The following COMMD1 variants were observed in gnomAD, a reference collection of about 807,000 sequenced individuals.
COMMD1 encodes copper metabolism domain containing 1, also known as COMM domain-containing protein 1.
In COMMD1, 10 loss-of-function variants were observed where a neutral mutation model predicts 17.2. The observed-to-expected ratio is 0.58, with a 90% CI of 0.36 to 0.99. The LOEUF (loss-of-function observed/expected upper bound fraction) is 0.99, where lower values mean the gene tolerates loss of function less well. Among genes scored for constraint, COMMD1 ranks in the 50% least tolerant of loss-of-function variants. COMMD1 has a pLI of 0.01. For synonymous variants in COMMD1, 97 were observed against 91.6 expected, an observed-to-expected ratio of 1.06 and a Z score of -0.34; for missense variants, 270 against 231.8, an observed-to-expected ratio of 1.17 and a Z score of -1.07.
At chr2:61,938,156 G>A (rs1163310574) in intron 1 of COMMD1, among the ~76,000 whole-genome samples, 1 of 152,012 alleles carries the variant, frequency 6.6e-6, no homozygotes, top group Non-Finnish European at 1.5e-5. Flanking sequence ...GTCTAAAAAT[G>A]ATAATTTGGC....
intron 2 of COMMD1, among the ~76,000 whole-genome samples, chr2:62,034,181 G>A (rs1008314741): frequency 6.6e-6 from 1 of 151,760 alleles, no homozygotes. Context: ...GTAGGAGACT[G>A]TTTTAGTTTG....
chr2:61,922,828 A>G (rs762808561), intron 1 of COMMD1, among the ~76,000 whole-genome samples: 9 of 152,238 alleles, frequency 5.9e-5, no homozygotes, highest in African/African-American at 9.6e-5. Context: ...GGGGACACAC[A>G]TCTGTTTGGA....
intron 1 of COMMD1, among the ~76,000 whole-genome samples, chr2:61,953,545 A>ACTAAATTCT (rs1671114895): frequency 6.6e-6 from 1 of 151,088 alleles, no homozygotes; most frequent in Admixed American, 6.6e-5. Context: ...TTTCTTTTGT[A>ACTAAATTCT]TTTTAGTAGA....
intron 1 of COMMD1, among the ~76,000 whole-genome samples, chr2:61,984,191 A>AT (rs1286081920): frequency 4.6e-5 from 7 of 152,054 alleles, no homozygotes; most frequent in Non-Finnish European, 8.8e-5. Context: ...CACCCAGCTA[A>AT]TTTTTTGTGT....
chr2:61,904,457 A>G (rs1486962002), upstream of COMMD1, among the ~76,000 whole-genome samples: 1 of 152,218 alleles, frequency 6.6e-6, no homozygotes, highest in Non-Finnish European at 1.5e-5. Context: ...ATTTCAGAAC[A>G]TCATGTTACC....
Position 61,915,758 on chromosome 2 carries a change from A to G in COMMD1, c.180+9900A>G, listed in dbSNP as rs191666356. The G allele has an allele frequency of 9.4e-5, 42 of 448,818 alleles. No homozygotes were observed. The Middle Eastern group carries it at 9.9e-4, about 11-fold the overall frequency. 27.8% of individuals were successfully genotyped at this position (448,818 alleles called of 1,614,324 possible). On this transcript the variant is annotated intron_variant, in intron 1 of 2. Transcript: ENST00000311832. Reference sequence around the variant, plus strand: ...GCAACCCTCTCTCTTTAGCCTCCCAATTGCTGGGATTACAGGTATGAGCCA... The same window carrying G: ...GCAACCCTCTCTCTTTAGCCTCCCAGTTGCTGGGATTACAGGTATGAGCCA...
intron 2 of COMMD1, among the ~76,000 whole-genome samples, chr2:62,017,499 C>A (rs1003491127): frequency 6.6e-6 from 1 of 151,358 alleles, no homozygotes; most frequent in African/African-American, 2.4e-5. Context: ...GAAACCCTAT[C>A]TCTACAAAAA....
chr2:62,075,398 C>A (rs1053078791), intron 2 of COMMD1, among the ~76,000 whole-genome samples: 2 of 152,126 alleles, frequency 1.3e-5, no homozygotes, highest in Non-Finnish European at 1.5e-5. Context: ...ACAGTCGCTA[C>A]CCCCACTTCC....
At chr2:62,087,632 A>C (rs1472440148) in intron 2 of COMMD1, among the ~76,000 whole-genome samples, 1 of 152,228 alleles carries the variant, frequency 6.6e-6, no homozygotes, top group Non-Finnish European at 1.5e-5. Flanking sequence ...CTGTAATCCC[A>C]GCTACCTGGG....
chr2:61,929,506 A>G (rs1388753651), intron 1 of COMMD1, among the ~76,000 whole-genome samples: 1 of 152,148 alleles, frequency 6.6e-6, no homozygotes, highest in East Asian at 1.9e-4. Context: ...TTACCATTAT[A>G]TCATACTCTT....
At chr2:61,979,747 A>ATT (rs200234500) in intron 1 of COMMD1, among the ~76,000 whole-genome samples, 46 of 144,672 alleles carry the variant, frequency 3.2e-4, no homozygotes, top group African/African-American at 1.1e-3. Context: ...GATATAAGTC[A>ATT]TTTTTTTTTT....
intron 1 of COMMD1, among the ~76,000 whole-genome samples, chr2:61,988,662 C>T (rs976542770): frequency 6.6e-6 from 1 of 152,178 alleles, no homozygotes; most frequent in African/African-American, 2.4e-5. Context: ...TTAGCTACCC[C>T]AGCTGGTGAC....
At chr2:62,062,972 A>G (rs1379370274) in intron 2 of COMMD1, among the ~76,000 whole-genome samples, 1 of 151,924 alleles carries the variant, frequency 6.6e-6, no homozygotes, top group Non-Finnish European at 1.5e-5. Context: ...TAATCCTAGC[A>G]CTTTGGGAGG....
intron 1 of COMMD1, among the ~76,000 whole-genome samples, chr2:61,930,987 A>T (rs369318766): frequency 2.6e-5 from 4 of 152,126 alleles, no homozygotes; most frequent in Non-Finnish European, 5.9e-5. Context: ...CAAATATGTA[A>T]TTAACATTCA....
chr2:61,898,028 T>C (rs1669587134), intron 1 of COMMD1, among the ~76,000 whole-genome samples: 1 of 152,198 alleles, frequency 6.6e-6, no homozygotes, highest in South Asian at 2.1e-4. Context: ...ATAGCTACTT[T>C]TAGGTACTAA....
chr2:62,094,046 C>A (rs1213169061), intron 2 of COMMD1, among the ~76,000 whole-genome samples: 1 of 152,194 alleles, frequency 6.6e-6, no homozygotes, highest in East Asian at 1.9e-4. Context: ...AAATAAGAAC[C>A]ATCCGTGAAC....
chr2:61,889,328 T>C (rs1669357742), intron 1 of COMMD1, among the ~76,000 whole-genome samples: 1 of 145,910 alleles, frequency 6.9e-6, no homozygotes, highest in Non-Finnish European at 1.5e-5. Flanking sequence ...CGCCACAGCC[T>C]CCCAACTAGC....
chr2:62,000,518 C>T (rs1225176266), intron 1 of COMMD1, among the ~76,000 whole-genome samples, 183 bp from the exon 2 acceptor site: 1 of 152,020 alleles, frequency 6.6e-6, no homozygotes, highest in Non-Finnish European at 1.5e-5. Flanking sequence ...TGGTCTCTAA[C>T]TCCTAACCTC....
chr2:62,034,616 T>G lies in COMMD1; in HGVS notation c.462+33634T>G, dbSNP rs538262298. Among the ~76,000 whole-genome samples the G allele has an allele frequency of 1.8e-4, 28 of 152,346 alleles. No individual in the cohort carries two copies. In the Middle Eastern group the frequency reaches 0.014, roughly 74 times the overall value. On this transcript the variant is annotated intron_variant, in intron 2 of 2. Transcript: ENST00000311832. ...TGAACATCTAAATGTTTTCAGATGT[T>G]TAAGGCTCAACTCATCATTTTGTAA...
Sources: gnomAD v4.1 joint callset for allele counts (sites outside exome capture counted in the v4.1 genomes callset) on GRCh38, gnomAD v4.1.1 for gene constraint, MANE v1.5 for transcripts, NCBI Gene and HGNC (gene_info 2026-07-23, HGNC 2026-07-21) for gene names.